The following TBX5 variants were observed in gnomAD, a reference collection of about 807,000 sequenced individuals.
TBX5 encodes the protein T-box transcription factor TBX5.
A neutral mutation model predicts 51.1 loss-of-function variants in TBX5; 8 were observed. That is an observed-to-expected ratio of 0.16 (90% CI 0.09 to 0.28). The LOEUF (loss-of-function observed/expected upper bound fraction) is 0.28. TBX5 is among the 10% of genes least tolerant of loss of function. TBX5 has a pLI of 1.00. For missense variants in TBX5, 589 were observed against 671.7 expected (o/e 0.88, Z 1.36); for synonymous variants, 302 against 266.4 (o/e 1.13, Z -1.30).
chr12:114,398,294 G>T (rs1197974935), intron 5 of TBX5, among the ~76,000 whole-genome samples: 1 of 152,086 alleles, frequency 6.6e-6, no homozygotes, highest in Admixed American at 6.5e-5. Flanking sequence ...GGAGACAGAG[G>T]ATGAAATAGT....
Position 114,394,781 on chromosome 12 carries a change from T to A in TBX5, c.623A>T (p.Glu208Val), listed in dbSNP as rs2136410771. Residue 208 changes from glutamate (E) to valine (V), a missense_variant, in exon 6 of 9, where the codon GAG (glutamate) becomes GTG (valine). Glu to Val is a moderately radical substitution (Grantham distance 121). This residue lies in a region of TBX5 where 17 missense variants were observed against 17.6 expected (regional missense o/e 0.96). Transcript: ENST00000405440. ...GGAAGTCACTGCTATAAACGCAGTC[T>A]CAGGAAAGACGTGAGTGCAGAACGC... is the stretch of plus-strand genomic sequence containing the variant. Reference protein sequence around the residue: ...NTAFCTHVFPETAFIAVTSYQ... With the variant: ...NTAFCTHVFPVTAFIAVTSYQ... 1 of 1,614,176 alleles carries A rather than the reference T, an allele frequency of 6.2e-7. No individual in the cohort carries two copies. The highest frequency in any genetic ancestry group is 8.5e-7 in the Non-Finnish European group (1 of 1,180,022).
intron 6 of TBX5, among the ~76,000 whole-genome samples, chr12:114,394,299 A>G (rs1408175035): frequency 6.6e-6 from 1 of 152,304 alleles, no homozygotes; most frequent in South Asian, 2.1e-4. Context: ...TGGGTGACAG[A>G]CAGAGTGAGA....
chr12:114,408,002 T>G (rs998752078), upstream of TBX5: 1 of 985,276 alleles, frequency 1.0e-6, no homozygotes, highest in African/African-American at 1.7e-5. Flanking sequence ...TCCGACAAAT[T>G]AAATATTACT....
intron 5 of TBX5, among the ~76,000 whole-genome samples, chr12:114,396,759 A>G (rs1871457268): frequency 6.6e-6 from 1 of 152,118 alleles, no homozygotes; most frequent in Non-Finnish European, 1.5e-5. Context: ...AACCTTTAGA[A>G]ATGGCTCCGG....
At chr12:114,403,984 G>A (rs1329149713) in intron 1 of TBX5, 48 bp from the exon 2 acceptor site, 1 of 1,554,124 alleles carries the variant, frequency 6.4e-7, no homozygotes, top group Non-Finnish European at 8.7e-7. Context: ...GACAGAGAGA[G>A]AACGAGAGAA....
chr12:114,355,401 G>T lies in TBX5; in HGVS notation c.*131C>A. ...TCAGCATCCAGCGACCTTGAGTGCA[G>T]ATGTGAACATTGGGTGAAATGAAAA... On this transcript the variant is annotated 3_prime_UTR_variant, in exon 9 of 9. Coordinates refer to ENST00000405440, the MANE Select transcript of TBX5 (RefSeq NM_181486.4). 8.7e-7 allele frequency: 1 copy of T among 1,144,092 alleles called. No individual in the cohort carries two copies. The allele number at this position is 1,144,092 out of a possible 1,614,324, so 70.9% of individuals were successfully genotyped here.
chr12:114,377,197 T>G (rs1390960055), intron 7 of TBX5, among the ~76,000 whole-genome samples: 1 of 152,164 alleles, frequency 6.6e-6, no homozygotes, highest in African/African-American at 2.4e-5. Flanking sequence ...CACTTCTCAT[T>G]AATTGGGCAT....
intron 6 of TBX5, 47 bp downstream of exon 6, chr12:114,394,690 AAAAG>A: frequency 6.2e-7 from 1 of 1,613,104 alleles, no homozygotes; most frequent in Non-Finnish European, 8.5e-7. Context: ...AGATTCATGC[AAAAG>A]AAAGAGCAGA....
rs776576558 is a variant in TBX5, at chr12:114,399,486, C to T, written c.362+27G>A. ...AGAAGGTTCCACTTTTCTCTCTCCC[C>T]GCTCCACCTGCCACCCCAGTGCCTA... is the stretch of plus-strand genomic sequence containing the variant. On this transcript the variant is annotated intron_variant, in intron 4 of 8. Coordinates refer to ENST00000405440, the MANE Select transcript of TBX5 (RefSeq NM_181486.4). The T allele has an allele frequency of 1.9e-6, 3 of 1,613,936 alleles. No individual in the cohort carries two copies. The South Asian group carries it at 3.3e-5, about 18-fold the overall frequency.
At chr12:114,374,278 G>A (rs1261420178) in intron 7 of TBX5, among the ~76,000 whole-genome samples, 2 of 152,184 alleles carry the variant, frequency 1.3e-5, no homozygotes, top group Non-Finnish European at 2.9e-5. Flanking sequence ...TTGGGTGATT[G>A]GGGGACACGG....
Position 114,355,756 on chromosome 12 carries a change from G to T in TBX5, c.1333C>A (p.His445Asn). ...LVPRLAGMAN[H>N]GSPQLGEGMF... ...CCCTCTCCCAGCTGTGGGGAGCCATGGTTGGCCATGCCAGCCAGCCGAGGG... is the reference window on the plus strand; with the variant it reads ...CCCTCTCCCAGCTGTGGGGAGCCATTGTTGGCCATGCCAGCCAGCCGAGGG... The change falls in exon 9 of 9, where the codon CAT (histidine) becomes AAT (asparagine). Residue 445 changes from histidine (H) to asparagine (N), a missense_variant. Transcript: ENST00000405440. The T allele has an allele frequency of 6.2e-7, 1 of 1,614,132 alleles. No homozygotes were observed. Among genetic ancestry groups the T allele is most frequent in the Non-Finnish European group, 8.5e-7 (1 of 1,180,010 alleles).
chr12:114,398,611 G>A lies in TBX5; in HGVS notation c.472C>T (p.Leu158Phe). 1.2e-6 allele frequency: 2 copies of A among 1,613,690 alleles called. No individual in the cohort carries two copies. The highest frequency in any genetic ancestry group is 1.7e-5 in the Admixed American group (1 of 59,972). The part of the protein sequence containing the change: ...WMRQLVSFQK[L>F]KLTNNHLDPF... ...TCCAGGTGGTTGTTGGTGAGCTTGA[G>A]TTTCTGGAAGGAGACGAGCTGCCTC... The change falls in exon 5 of 9, where the codon CTC becomes TTC. Residue 158 changes from leucine to phenylalanine, a missense_variant. Coordinates refer to ENST00000405440, the MANE Select transcript of TBX5 (RefSeq NM_181486.4).
At chr12:114,358,838 T>C (rs1238284548) in intron 8 of TBX5, among the ~76,000 whole-genome samples, 2 of 152,068 alleles carry the variant, frequency 1.3e-5, no homozygotes, top group African/African-American at 2.4e-5. Context: ...TATACTCAGC[T>C]TCTTTTTGTC....
At chr12:114,370,630 G>A (rs1869842475) in intron 7 of TBX5, among the ~76,000 whole-genome samples, 1 of 134,330 alleles carries the variant, frequency 7.4e-6, no homozygotes, top group Non-Finnish European at 1.6e-5. Flanking sequence ...AGTGGGGGAT[G>A]ATCTCTCCCT....
chr12:114,382,390 G>T (rs1230364191), intron 7 of TBX5, among the ~76,000 whole-genome samples: 1 of 152,198 alleles, frequency 6.6e-6, no homozygotes, highest in African/African-American at 2.4e-5. Context: ...TTGGCCAGGG[G>T]CTGTGGGTAA....
intron 7 of TBX5, among the ~76,000 whole-genome samples, chr12:114,373,398 G>A (rs1040682989): frequency 1.3e-5 from 2 of 152,154 alleles, no homozygotes; most frequent in African/African-American, 4.8e-5. Context: ...GACAACAAAG[G>A]ACAATTCAAG....
intron 8 of TBX5, among the ~76,000 whole-genome samples, chr12:114,356,990 CGATGGATG>C (rs60572224): frequency 0.3 from 43,039 of 143,212 alleles, 6,534 homozygotes; most frequent in East Asian, 0.43. Flanking sequence ...AATATTTGTA[CGATGGATG>C]GATGGATGGA....
chr12:114,388,537 G>T (rs542437351), intron 6 of TBX5, among the ~76,000 whole-genome samples: 1 of 152,124 alleles, frequency 6.6e-6, no homozygotes, highest in African/African-American at 2.4e-5. Context: ...GAGTGCAGTG[G>T]AGTGACCATA....
chr12:114,379,668 C>A (rs1019317587), intron 7 of TBX5, among the ~76,000 whole-genome samples: 1 of 152,208 alleles, frequency 6.6e-6, no homozygotes, highest in African/African-American at 2.4e-5. Context: ...AGACACTCCT[C>A]GGTCGAGTAG....
Sources: allele counts gnomAD v4.1 joint callset (sites outside exome capture counted in the v4.1 genomes callset), GRCh38; gene constraint gnomAD v4.1.1; regional missense constraint gnomAD v4.1.1; transcripts MANE v1.5; gene names NCBI Gene and HGNC (gene_info 2026-07-23, HGNC 2026-07-21).